KDM4C: variants seen among roughly 807,000 people sequenced by gnomAD.
KDM4C encodes the protein lysine-specific demethylase 4C.
A neutral mutation model predicts 129.3 loss-of-function variants in KDM4C; 81 were observed. The observed-to-expected ratio is 0.63, with a 90% CI of 0.52 to 0.75. KDM4C has a LOEUF of 0.75. KDM4C is among the 30% of genes least tolerant of loss of function. KDM4C has a pLI of 0.00. For synonymous variants in KDM4C, 573 were observed against 456.1 expected, an observed-to-expected ratio of 1.26 and a Z score of -3.26; for missense variants, 1,457 against 1,304.0, an observed-to-expected ratio of 1.12 and a Z score of -1.81.
intron 12 of KDM4C, among the ~76,000 whole-genome samples, chr9:7,000,511 A>G (rs1005078019): frequency 1.3e-5 from 2 of 152,222 alleles, no homozygotes; most frequent in Non-Finnish European, 2.9e-5. Context: ...TAACTTATAA[A>G]TAAATTCAAC....
chr9:6,803,052 A>C (rs769517519), intron 2 of KDM4C, among the ~76,000 whole-genome samples: 1 of 152,230 alleles, frequency 6.6e-6, no homozygotes, highest in African/African-American at 2.4e-5. Flanking sequence ...AAAGCCCAGC[A>C]ATGAAGTCAT....
At chr9:6,802,516 T>G (rs1829196356) in intron 2 of KDM4C, among the ~76,000 whole-genome samples, 1 of 152,224 alleles carries the variant, frequency 6.6e-6, no homozygotes, top group Non-Finnish European at 1.5e-5. Context: ...AAAAGCCACA[T>G]GCCCATCAAT....
intron 1 of KDM4C, among the ~76,000 whole-genome samples, chr9:6,737,768 C>T (rs891898784): frequency 2.0e-5 from 3 of 151,470 alleles, no homozygotes; most frequent in Non-Finnish European, 2.9e-5. Flanking sequence ...CATCACTAAT[C>T]GTTAAAGAAA....
chr9:6,998,030 C>T (rs1021309395), intron 12 of KDM4C, among the ~76,000 whole-genome samples: 1 of 152,138 alleles, frequency 6.6e-6, no homozygotes, highest in African/African-American at 2.4e-5. Context: ...GATTAAAGCC[C>T]TGGTTTTGGG....
intron 12 of KDM4C, among the ~76,000 whole-genome samples, chr9:7,010,590 A>G (rs1258548598): frequency 6.6e-6 from 1 of 152,222 alleles, no homozygotes; most frequent in Non-Finnish European, 1.5e-5. Context: ...AATGTGTCAC[A>G]GCCCTAGACA....
intron 18 of KDM4C, among the ~76,000 whole-genome samples, chr9:7,113,745 C>T (rs1838594460): frequency 6.6e-6 from 1 of 152,212 alleles, no homozygotes; most frequent in South Asian, 2.1e-4. Context: ...ATTTGATGAG[C>T]TCCTATTATG....
At chr9:6,759,169 G>A (rs1036329812) in intron 1 of KDM4C, among the ~76,000 whole-genome samples, 13 of 152,192 alleles carry the variant, frequency 8.5e-5, no homozygotes, top group African/African-American at 2.7e-4. Flanking sequence ...ATGTAGGTTA[G>A]AAAAGCAGAG....
chr9:6,948,952 C>G (rs1181965918), intron 8 of KDM4C, among the ~76,000 whole-genome samples: 2 of 150,556 alleles, frequency 1.3e-5, no homozygotes, highest in East Asian at 1.9e-4. Context: ...CTCTATTCGA[C>G]GAAACCGCCA....
chr9:6,941,529 C>A (rs917655434), intron 8 of KDM4C: 18 of 151,994 alleles, frequency 1.2e-4, no homozygotes, highest in African/African-American at 4.4e-4. Context: ...CTAAAAAAAA[C>A]CATATTACAT....
At chr9:6,734,066 C>T (rs551925666) in intron 1 of KDM4C, among the ~76,000 whole-genome samples, 1 of 152,156 alleles carries the variant, frequency 6.6e-6, no homozygotes, top group African/African-American at 2.4e-5. Flanking sequence ...CGTTAACCGT[C>T]TGAGAATGCA....
In KDM4C at chr9:6,926,959, A is replaced by G. The variant is rs184514283; in HGVS notation, c.921+33727A>G. On this transcript the variant is annotated intron_variant, in intron 8 of 21. Transcript: ENST00000381309. ...GTATACATGTTCATTTATCTTAATT[A>G]TTATTTATTAGATGGAGGGAAAATA... Among the ~76,000 whole-genome samples the G allele has an allele frequency of 6.4e-4, 98 of 152,296 alleles. 1 individual carries two copies. Among genetic ancestry groups the G allele is most frequent in the African/African-American group, 2.2e-3 (93 of 41,558 alleles).
chr9:6,760,737 AT>A (rs1006204431), intron 1 of KDM4C, among the ~76,000 whole-genome samples: 49 of 148,218 alleles, frequency 3.3e-4, no homozygotes, highest in African/African-American at 7.4e-4. Context: ...TGCCTGGCTA[AT>A]TTTTTTTTTA....
chr9:7,085,247 G>A (rs567621563), intron 17 of KDM4C, among the ~76,000 whole-genome samples: 2 of 152,340 alleles, frequency 1.3e-5, no homozygotes, highest in South Asian at 4.1e-4. Context: ...GGCCATTGTT[G>A]TGTGGCAGTG....
intron 1 of KDM4C, 43 bp from the exon 2 acceptor site, chr9:6,792,922 CTAAAGCA>C: frequency 1.3e-6 from 2 of 1,580,032 alleles, no homozygotes; most frequent in Non-Finnish European, 1.7e-6. Flanking sequence ...TAAAAATGAC[CTAAAGCA>C]TATAATAATT....
chr9:7,071,302 C>T (rs1014896184), intron 17 of KDM4C, among the ~76,000 whole-genome samples: 1 of 151,956 alleles, frequency 6.6e-6, no homozygotes, highest in Non-Finnish European at 1.5e-5. Context: ...AAATGATAAT[C>T]GAATTCTAAA....
chr9:7,037,893 C>A (rs529614047), intron 15 of KDM4C, among the ~76,000 whole-genome samples: 4 of 152,132 alleles, frequency 2.6e-5, no homozygotes, highest in African/African-American at 7.2e-5. Context: ...ATAGCCAGAT[C>A]TTTGTAATAG....
chr9:7,034,945 A>G (rs1207523156), intron 15 of KDM4C, among the ~76,000 whole-genome samples: 5 of 151,998 alleles, frequency 3.3e-5, no homozygotes, highest in South Asian at 2.1e-4. Context: ...CTTTTTGTAT[A>G]TTTGTTTTCC....
chr9:7,090,894 G>A (rs937754452), intron 17 of KDM4C, among the ~76,000 whole-genome samples: 1 of 152,182 alleles, frequency 6.6e-6, no homozygotes, highest in African/African-American at 2.4e-5. Context: ...TGTGACTACT[G>A]AGAACTGTAC....
In KDM4C at chr9:6,965,006, T is replaced by C. The variant is rs186540585; in HGVS notation, c.922-15919T>C. On this transcript the variant is annotated intron_variant, in intron 8 of 21. Transcript: ENST00000381309. ...GCCTAGATTTTTCTCCTACATAACC[T>C]TTTTACACCCATTTACATTTTTTAT... 5.3e-5 allele frequency among the ~76,000 whole-genome samples: 8 copies of C among 152,116 alleles called. No homozygotes were observed. The East Asian group carries it at 1.5e-3, about 29-fold the overall frequency.
Sources: gnomAD v4.1 joint callset for allele counts (sites outside exome capture counted in the v4.1 genomes callset) on GRCh38, gnomAD v4.1.1 for gene constraint, MANE v1.5 for transcripts, NCBI Gene and HGNC (gene_info 2026-07-23, HGNC 2026-07-21) for gene names.